The following SUMF1 variants were observed in gnomAD, a reference collection of about 807,000 sequenced individuals.
The protein encoded by SUMF1 is sulfatase modifying factor 1.
Under a neutral mutation model 47.6 loss-of-function variants are expected in SUMF1, and 48 were observed. That is an observed-to-expected ratio of 1.01 (90% CI 0.80 to 1.28). The LOEUF is 1.28. Ranked by LOEUF, SUMF1 falls within the 50% of genes most tolerant of loss-of-function variation. The pLI, the probability that SUMF1 is intolerant of heterozygous loss-of-function variation, is 0.00. For missense variants in SUMF1, 571 were observed against 485.4 expected (o/e 1.18, Z -1.66); for synonymous variants, 230 against 192.1 (o/e 1.20, Z -1.63).
Position 4,453,004 on chromosome 3 carries a change from G to T in SUMF1, c.316C>A (p.Pro106Thr). 5 of 1,614,052 alleles carry T rather than the reference G, an allele frequency of 3.1e-6. No homozygotes were observed. The highest frequency in any genetic ancestry group is 4.2e-6 in the Non-Finnish European group (5 of 1,180,040). The change falls in exon 2 of 9, where the codon CCT becomes ACT. Residue 106 changes from proline (P) to threonine (T), a missense_variant. Physicochemically the swap from Pro to Thr is conservative, Grantham distance 38 (BLOSUM62 -1). Transcript: ENST00000272902. ...AGVFTMGTDD[P>T]QIKQDGEAPA... ...GCTTCCCCATCCTGCTTTATCTGAG[G>T]ATCATCTGTGCCCATTGTAAATACT...
intron 6 of SUMF1, among the ~76,000 whole-genome samples, chr3:4,412,329 T>A (rs1039237278): frequency 6.6e-6 from 1 of 152,214 alleles, no homozygotes; most frequent in African/African-American, 2.4e-5. Flanking sequence ...AAATAAAATG[T>A]CAGAGAAACT....
At chr3:4,401,774 T>C (rs1701219647) in intron 7 of SUMF1, among the ~76,000 whole-genome samples, 1 of 152,200 alleles carries the variant, frequency 6.6e-6, no homozygotes, top group African/African-American at 2.4e-5. Context: ...TCTGCTCTTT[T>C]CTTTTAATGG....
intron 8 of SUMF1, among the ~76,000 whole-genome samples, chr3:4,152,355 T>C (rs1190583038): frequency 6.6e-6 from 1 of 151,492 alleles, no homozygotes; most frequent in Admixed American, 6.5e-5. Context: ...TGGTGCAATC[T>C]CAGCTCACTG....
chr3:4,362,359 A>C (rs1575132058), intron 8 of SUMF1, 105 bp from the exon 9 acceptor site: 1 of 896,022 alleles, frequency 1.1e-6, no homozygotes. Flanking sequence ...CTTCCCCACA[A>C]CCCTGCCTGT....
At chr3:4,197,855 C>T (rs1695461789) in intron 8 of SUMF1, among the ~76,000 whole-genome samples, 1 of 152,156 alleles carries the variant, frequency 6.6e-6, no homozygotes, top group Non-Finnish European at 1.5e-5. Context: ...GCTGCTTCAA[C>T]TCCAACTGTG....
intron 8 of SUMF1, among the ~76,000 whole-genome samples, chr3:4,301,110 G>A (rs974393941): frequency 9.9e-5 from 15 of 152,258 alleles, no homozygotes; most frequent in African/African-American, 3.6e-4. Context: ...TATAAAGTAG[G>A]AGAACTAATG....
intron 8 of SUMF1, among the ~76,000 whole-genome samples, chr3:4,203,997 A>G (rs1413234381): frequency 6.6e-6 from 1 of 152,068 alleles, no homozygotes; most frequent in East Asian, 1.9e-4. Context: ...CTTACTACTC[A>G]AGACATAAGT....
chr3:4,321,653 T>A (rs1698837403), intron 8 of SUMF1, among the ~76,000 whole-genome samples: 1 of 152,064 alleles, frequency 6.6e-6, no homozygotes, highest in Non-Finnish European at 1.5e-5. Context: ...CATACTGATA[T>A]AAATAAATGA....
chr3:4,428,075 C>G (rs1036917810), intron 3 of SUMF1, among the ~76,000 whole-genome samples: 1 of 152,036 alleles, frequency 6.6e-6, no homozygotes, highest in Non-Finnish European at 1.5e-5. Flanking sequence ...TGACAATATT[C>G]AGAATCATTT....
chr3:4,440,411 G>A (rs1172547368), intron 3 of SUMF1, among the ~76,000 whole-genome samples: 2 of 152,084 alleles, frequency 1.3e-5, no homozygotes, highest in Non-Finnish European at 2.9e-5. Context: ...ATTATTTTGG[G>A]GAGTGTGACC....
intron 7 of SUMF1, among the ~76,000 whole-genome samples, chr3:4,389,932 G>A (rs544770239): frequency 4.3e-4 from 66 of 152,070 alleles, no homozygotes; most frequent in Non-Finnish European, 2.5e-4. Context: ...ATCTTTGCTG[G>A]GTAAGTCTAA....
chr3:4,323,596 G>A (rs1698882832), intron 8 of SUMF1, among the ~76,000 whole-genome samples: 1 of 152,152 alleles, frequency 6.6e-6, no homozygotes, highest in African/African-American at 2.4e-5. Flanking sequence ...GAAAGAGAAG[G>A]AGGAGCAGCA....
chr3:4,413,343 T>C (rs1024021909), intron 6 of SUMF1, among the ~76,000 whole-genome samples: 1 of 152,106 alleles, frequency 6.6e-6, no homozygotes, highest in African/African-American at 2.4e-5. Context: ...GCAAGCAACT[T>C]AACCTATATG....
Position 4,319,131 on chromosome 3 carries a change from G to A in SUMF1, c.1014+57199C>T, listed in dbSNP as rs1698763516. The stretch of plus-strand genomic sequence containing the variant: ...TGCCAAAAGATGGCAAGGATGTGGA[G>A]CAACAGGAACTCTTCATTGTTCATT... On this transcript the variant is annotated intron_variant and NMD_transcript_variant, in intron 8 of 12. Transcript: ENST00000448413. Among the ~76,000 whole-genome samples, 3 of 152,194 alleles carry A rather than the reference G, an allele frequency of 2.0e-5. No homozygotes were observed. The South Asian group carries it at 6.2e-4, about 31-fold the overall frequency.
chr3:4,230,553 G>A lies in SUMF1; in HGVS notation c.1014+145777C>T, dbSNP rs1029656766. ...GAGGAGACAGGTGTGTGGAGCTTCC[G>A]TGCCCTCTCCGGATACGCCACCTTC... On this transcript the variant is annotated intron_variant and NMD_transcript_variant, in intron 8 of 12. Transcript: ENST00000448413. Among the ~76,000 whole-genome samples, 4 of 152,058 alleles carry A rather than the reference G, an allele frequency of 2.6e-5. No individual in the cohort carries two copies. In the South Asian group the frequency reaches 6.2e-4, roughly 24 times the overall value.
At chr3:4,081,420 G>C (rs140030824) in intron 8 of SUMF1, among the ~76,000 whole-genome samples, 1 of 152,198 alleles carries the variant, frequency 6.6e-6, no homozygotes, top group East Asian at 1.9e-4. Context: ...CTAGCATATA[G>C]TAAACTTTAT....
At chr3:4,109,116 C>T (rs1466109345) in intron 8 of SUMF1, among the ~76,000 whole-genome samples, 1 of 152,002 alleles carries the variant, frequency 6.6e-6, no homozygotes, top group Non-Finnish European at 1.5e-5. Flanking sequence ...TTAGGGCAGG[C>T]CTGGTGGTGA....
At chr3:4,200,768 G>A (rs1038891666) in intron 8 of SUMF1, among the ~76,000 whole-genome samples, 2 of 152,066 alleles carry the variant, frequency 1.3e-5, no homozygotes, top group African/African-American at 4.8e-5. Context: ...TCTCTCTGGA[G>A]AACCCTGACT....
intron 7 of SUMF1, among the ~76,000 whole-genome samples, chr3:4,394,351 T>A (rs1700973792): frequency 6.6e-6 from 1 of 152,078 alleles, no homozygotes; most frequent in Non-Finnish European, 1.5e-5. Flanking sequence ...AAAGACGGTG[T>A]TTCACTATGT....
Sources: gnomAD v4.1 joint callset for allele counts (sites outside exome capture counted in the v4.1 genomes callset) on GRCh38, gnomAD v4.1.1 for gene constraint, MANE v1.5 for transcripts, NCBI Gene and HGNC (gene_info 2026-07-23, HGNC 2026-07-21) for gene names.